Variants in NHSL1 observed in about 807,000 individuals in gnomAD.
NHSL1 encodes the protein NHS-like protein 1.
NHSL1 carries 48 observed loss-of-function variants against 95.0 expected under a neutral mutation model. The ratio of observed to expected loss-of-function variants is 0.51; its 90% CI spans 0.40 to 0.64. The LOEUF (loss-of-function observed/expected upper bound fraction) is 0.64. Ranked by LOEUF, NHSL1 falls within the 30% of genes least tolerant of loss-of-function variation. The pLI is 0.00. For synonymous variants in NHSL1, 783 were observed against 833.9 expected, an observed-to-expected ratio of 0.94 and a Z score of 1.05; for missense variants, 1,971 against 2,077.7, an observed-to-expected ratio of 0.95 and a Z score of 1.00.
intron 3 of NHSL1, among the ~76,000 whole-genome samples, chr6:138,461,630 T>C (rs1302903649): frequency 6.6e-6 from 1 of 152,130 alleles, no homozygotes; most frequent in Non-Finnish European, 1.5e-5. Flanking sequence ...AAGAGTAGTT[T>C]AAGTGTGCGC....
At chr6:138,527,493 A>G (rs1314712195) in intron 1 of NHSL1, among the ~76,000 whole-genome samples, 1 of 152,206 alleles carries the variant, frequency 6.6e-6, no homozygotes, top group South Asian at 2.1e-4. Flanking sequence ...ATTTGCATCC[A>G]TGAATAGCGG....
chr6:138,483,760 C>T (rs1779561277), intron 2 of NHSL1, among the ~76,000 whole-genome samples: 1 of 152,198 alleles, frequency 6.6e-6, no homozygotes, highest in Non-Finnish European at 1.5e-5. Context: ...AAGCCAAAAT[C>T]CTCCTAATGG....
chr6:138,433,175 G>T lies in NHSL1; in HGVS notation c.1170C>A (p.Phe390Leu), dbSNP rs112913420. Reference sequence around the variant, plus strand: ...CTGGGCTCATTATATTTTCACTCTCGAAGTGTCTCAACTCCTGGGATTTGG... The same window carrying T: ...CTGGGCTCATTATATTTTCACTCTCTAAGTGTCTCAACTCCTGGGATTTGG... ...LRPKSQELRHFESENIMSPAC... is the reference protein window; with the variant it reads ...LRPKSQELRHLESENIMSPAC... The change falls in exon 6 of 8, where the codon TTC (phenylalanine) becomes TTA (leucine). Residue 390 changes from phenylalanine to leucine, a missense_variant. Coordinates refer to ENST00000343505, the MANE Select transcript of NHSL1 (RefSeq NM_001144060.2). 511 of 1,551,140 alleles carry T rather than the reference G, an allele frequency of 3.3e-4. 5 individuals are homozygous for T. The African/African-American group carries it at 6.0e-3, about 18-fold the overall frequency.
chr6:138,525,632 C>T (rs983168055), intron 1 of NHSL1, among the ~76,000 whole-genome samples: 6 of 151,700 alleles, frequency 4.0e-5, no homozygotes, highest in African/African-American at 1.5e-4. Flanking sequence ...CAAAGCTAGA[C>T]TATATAAAAT....
At chr6:138,572,274 C>A (rs545891023) in exon 1 of NHSL1, 1 of 175,544 alleles carries the variant, frequency 5.7e-6, no homozygotes, top group Non-Finnish European at 1.2e-5. Flanking sequence ...AGCCAAGGCA[C>A]CCCGACTCTT....
At chr6:138,457,676 C>T (rs1777706613) in intron 3 of NHSL1, among the ~76,000 whole-genome samples, 2 of 152,128 alleles carry the variant, frequency 1.3e-5, no homozygotes, top group African/African-American at 4.8e-5. Flanking sequence ...CCCCTCAACA[C>T]CTACTAGGAA....
intron 1 of NHSL1, among the ~76,000 whole-genome samples, chr6:138,536,642 T>C (rs1782365238): frequency 1.6e-5 from 2 of 124,800 alleles, no homozygotes; most frequent in Admixed American, 9.7e-5. Context: ...CACTTTAAGC[T>C]CTGGGATACA....
chr6:138,511,439 T>C (rs763216360), intron 1 of NHSL1, among the ~76,000 whole-genome samples: 3 of 151,644 alleles, frequency 2.0e-5, no homozygotes, highest in Non-Finnish European at 1.5e-5. Context: ...AGAGTGTGTA[T>C]GTGTGTGTGA....
At position 138,623,159 on chromosome 6, in the gene NHSL1, C is replaced by T. The variant is rs184787001; in HGVS notation, c.96+69317G>A. Among the ~76,000 whole-genome samples, 3 of 152,222 alleles carry T rather than the reference C, an allele frequency of 2.0e-5. No individual in the cohort carries two copies. In the East Asian group the frequency reaches 5.8e-4, roughly 29 times the overall value. ...TAATGACGTGGATCTGAGAACAATGCGATGGGAATGTGGGCAAAAGGCCAG... is the reference window on the plus strand; with the variant it reads ...TAATGACGTGGATCTGAGAACAATGTGATGGGAATGTGGGCAAAAGGCCAG... On this transcript the variant is annotated intron_variant, in intron 1 of 3. Transcript: ENST00000491526.
rs1161543395 is a variant in NHSL1 at position 138,423,133 on chromosome 6, G to A, written c.*948C>T. ...AAAAAAAACTGTTGTAAAAGGAAAA[G>A]CTCCACCCATAGTTCTGTAGTGCAA... On this transcript the variant is annotated 3_prime_UTR_variant, in exon 8 of 8. Transcript: ENST00000343505. 1.4e-5 allele frequency: 2 copies of A among 140,790 alleles called. No individual in the cohort carries two copies. Among genetic ancestry groups the A allele is most frequent in the Admixed American group, 7.2e-5 (1 of 13,978 alleles). 8.7% of individuals were successfully genotyped at this position (140,790 alleles called of 1,614,324 possible).
At position 138,430,282 on chromosome 6, in the gene NHSL1, G is replaced by C. The variant is rs1440907895; in HGVS notation, c.3952+111C>G. On this transcript the variant is annotated intron_variant, in intron 6 of 7. Coordinates refer to ENST00000343505, the MANE Select transcript of NHSL1 (RefSeq NM_001144060.2). The surrounding 1 kb of genome is among the most constrained non-coding windows in gnomAD (Gnocchi z 4.7). ...GCCTACATACTGCTAGCTTTAACAG[G>C]AATCTGATCTACCTGGGTTCTTTCC... is the stretch of plus-strand genomic sequence containing the variant. The C allele has an allele frequency of 7.4e-7, 1 of 1,345,570 alleles. No homozygotes were observed. The highest frequency in any genetic ancestry group is 3.4e-5 in the Admixed American group (1 of 29,482). 83.4% of individuals were successfully genotyped at this position (1,345,570 alleles called of 1,614,324 possible).
upstream of NHSL1, among the ~76,000 whole-genome samples, chr6:138,576,164 G>T (rs1783969086): frequency 6.6e-6 from 1 of 151,840 alleles, no homozygotes; most frequent in East Asian, 1.9e-4. Context: ...GCTAATTTTT[G>T]TATTTTTAGC....
Position 138,424,210 on chromosome 6 carries a change from G to GC in NHSL1, c.4691dup (p.Leu1565ProfsTer48). 6.7e-7 allele frequency: 1 copy of GC among 1,501,908 alleles called. No homozygotes were observed. Among genetic ancestry groups the GC allele is most frequent in the Non-Finnish European group, 8.9e-7 (1 of 1,128,036 alleles). The allele number at this position is 1,501,908 out of a possible 1,614,324, so 93.0% of individuals were successfully genotyped here. ...CGGCAGGCCCCTCCCCACAGAGCAG[G>GC]CCGCCCTCGTCCATCTCCTCCCTCG... On this transcript the variant is annotated frameshift_variant, in exon 8 of 8. Transcript: ENST00000343505. LOFTEE classifies it low-confidence loss of function (END_TRUNC). This position sits in a 1 kb window ranked among gnomAD's most constrained non-coding sequence, Gnocchi z 5.9.
At chr6:138,637,092 C>T (rs934136836) in intron 1 of NHSL1, among the ~76,000 whole-genome samples, 2 of 152,068 alleles carry the variant, frequency 1.3e-5, no homozygotes, top group African/African-American at 4.8e-5. Context: ...AGAAACAAAT[C>T]CACACATCTA....
At chr6:138,439,283 T>C (rs758420705) in intron 5 of NHSL1, among the ~76,000 whole-genome samples, 4 of 152,228 alleles carry the variant, frequency 2.6e-5, no homozygotes, top group Non-Finnish European at 5.9e-5. Context: ...TGCCTTTCCT[T>C]TGGGACATCA....
chr6:138,609,822 A>C (rs1358659218), intron 1 of NHSL1, among the ~76,000 whole-genome samples: 1 of 152,004 alleles, frequency 6.6e-6, no homozygotes, highest in Non-Finnish European at 1.5e-5. Context: ...AAGTGAGATC[A>C]TAAATGTAAA....
intron 1 of NHSL1, among the ~76,000 whole-genome samples, chr6:138,628,436 G>A (rs748585358): frequency 1.1e-4 from 17 of 152,016 alleles, no homozygotes; most frequent in African/African-American, 1.7e-4. Flanking sequence ...CATTACAAAC[G>A]GCAAGGCAAT....
chr6:138,613,555 C>T (rs1437971334), intron 1 of NHSL1, among the ~76,000 whole-genome samples: 1 of 152,144 alleles, frequency 6.6e-6, no homozygotes, highest in Non-Finnish European at 1.5e-5. Context: ...AAAAGTGCAG[C>T]AAGTGGAGAG....
chr6:138,482,025 T>C, intron 2 of NHSL1, among the ~76,000 whole-genome samples: 1 of 152,138 alleles, frequency 6.6e-6, no homozygotes, highest in Non-Finnish European at 1.5e-5. Flanking sequence ...TTCCAGGTAA[T>C]AGAGTACAAT....
Sources: gnomAD v4.1 joint callset for allele counts (sites outside exome capture counted in the v4.1 genomes callset) on GRCh38, gnomAD v4.1.1 for gene constraint, Gnocchi (gnomAD v3.1) non-coding constraint, MANE v1.5 for transcripts, NCBI Gene and HGNC (gene_info 2026-07-23, HGNC 2026-07-21) for gene names.